Variants in GK5 observed in about 807,000 individuals in gnomAD.
The protein encoded by GK5 is glycerol kinase 5.
A neutral mutation model predicts 77.3 loss-of-function variants in GK5; 39 were observed. The ratio of observed to expected loss-of-function variants is 0.50; its 90% CI spans 0.39 to 0.66. The LOEUF (loss-of-function observed/expected upper bound fraction) is 0.66. GK5 is among the 30% of genes least tolerant of loss of function. The pLI is 0.00. For synonymous variants in GK5, 211 were observed against 208.0 expected (o/e 1.01, Z -0.13); for missense variants, 487 against 633.8 (o/e 0.77, Z 2.49).
chr3:142,205,055 A>G (rs958991873), intron 3 of GK5, among the ~76,000 whole-genome samples: 6 of 152,348 alleles, frequency 3.9e-5, no homozygotes, highest in African/African-American at 1.4e-4. Flanking sequence ...TACACACTTT[A>G]AAAGCAGATT....
Position 142,225,361 on chromosome 3 carries a change from C to T in GK5, c.95G>A (p.Arg32His). The T allele has an allele frequency of 2.5e-6, 4 of 1,579,750 alleles. No homozygotes were observed. Among genetic ancestry groups the T allele is most frequent in the Non-Finnish European group, 3.4e-6 (4 of 1,164,342 alleles). The change falls in exon 1 of 16, where the codon CGC (arginine) becomes CAC (histidine). Residue 32 changes from arginine (R) to histidine (H), a missense_variant. Transcript: ENST00000392993. ...LGLDVGSSVI[R>H]CHVYDRAARV... ...CGCCGCCCGGTCATAGACGTGGCAG[C>T]GGATCACAGAACTGCCCACATCCAG...
At position 142,160,898 on chromosome 3, in the gene GK5, T is replaced by A. The variant is rs2063420486; in HGVS notation, c.*4724A>T. 1 of 152,068 alleles carries A rather than the reference T, an allele frequency of 6.6e-6. No individual in the cohort carries two copies. The highest frequency in any genetic ancestry group is 1.5e-5 in the Non-Finnish European group (1 of 68,034). 9.4% of individuals were successfully genotyped at this position (152,068 alleles called of 1,614,324 possible). On this transcript the variant is annotated 3_prime_UTR_variant, in exon 16 of 16. Transcript: ENST00000392993. Reference sequence around the variant, plus strand: ...CACACCTGGCTAATTTAAAAAAAATTTTTTTGTAGAGACAAGGTCTCACTT... The same window carrying A: ...CACACCTGGCTAATTTAAAAAAAATATTTTTGTAGAGACAAGGTCTCACTT...
chr3:142,205,826 C>T (rs985295370), intron 3 of GK5, among the ~76,000 whole-genome samples: 2 of 152,140 alleles, frequency 1.3e-5, no homozygotes, highest in African/African-American at 2.4e-5. Flanking sequence ...ACATTCACAA[C>T]GTTGTGCAAC....
intron 1 of GK5, among the ~76,000 whole-genome samples, chr3:142,224,584 T>G (rs1355523553): frequency 1.3e-5 from 2 of 152,230 alleles, no homozygotes; most frequent in Non-Finnish European, 2.9e-5. Context: ...AACCAACCAA[T>G]GATTTGGCAG....
chr3:142,170,376 C>G lies in GK5; in HGVS notation c.1390G>C (p.Asp464His). The G allele has an allele frequency of 6.2e-7, 1 of 1,613,972 alleles. No individual in the cohort carries two copies. Among genetic ancestry groups the G allele is most frequent in the Non-Finnish European group, 8.5e-7 (1 of 1,179,930 alleles). ...LINENIDRPA[D>H]IDMSCLGAAS... The stretch of plus-strand genomic sequence containing the variant: ...GCACCCAGGCATGACATGTCAATGT[C>G]GGCAGGTCTGTCTATATTCTCATTA... Residue 464 changes from aspartate to histidine, a missense_variant, in exon 15 of 16, where the codon GAC becomes CAC. Asp to His is a moderately conservative substitution (Grantham distance 81). Coordinates refer to ENST00000392993, the MANE Select transcript of GK5 (RefSeq NM_001039547.3).
chr3:142,211,741 C>T (rs1333648181), intron 3 of GK5, among the ~76,000 whole-genome samples: 1 of 152,178 alleles, frequency 6.6e-6, no homozygotes, highest in Non-Finnish European at 1.5e-5. Context: ...CTGCAGTGAG[C>T]TATGATCGTG....
At chr3:142,204,670 C>T (rs1703539153) in intron 4 of GK5, 25 bp downstream of exon 4, 1 of 1,234,288 alleles carries the variant, frequency 8.1e-7, no homozygotes, top group South Asian at 1.2e-5. Context: ...CCAACAATAT[C>T]CAAATCACAC....
intron 12 of GK5, among the ~76,000 whole-genome samples, chr3:142,175,513 T>G (rs182796398): frequency 1.8e-3 from 274 of 152,346 alleles, no homozygotes; most frequent in Non-Finnish European, 2.6e-3. Context: ...TCATGCCCCA[T>G]CCCTCATTTT....
At position 142,204,897 on chromosome 3, in the gene GK5, T is replaced by C. The variant is rs2064082115; in HGVS notation, c.318-109A>G. On this transcript the variant is annotated intron_variant, in intron 3 of 15. Transcript: ENST00000392993. The stretch of plus-strand genomic sequence containing the variant: ...GAGGCCATACTGTAATTGCAAAGTA[T>C]AATTTAGTTACATGTGCCTTTCTGA... 3.8e-5 allele frequency: 24 copies of C among 635,160 alleles called. No homozygotes were observed. In the South Asian group the frequency reaches 4.3e-4, roughly 12 times the overall value. 39.3% of individuals were successfully genotyped at this position (635,160 alleles called of 1,614,324 possible).
In GK5 at chr3:142,159,851, C is replaced by CTTTTTTTTTTT. The variant is rs1342546449; in HGVS notation, c.*5770_*5771insAAAAAAAAAAA. On this transcript the variant is annotated 3_prime_UTR_variant, in exon 16 of 16. Transcript: ENST00000392993. ...GCTTTCTCTCTCTCTCTCTCTCTCT[C>CTTTTTTTTTTT]TCTTTTTTTTTTTTGAGACAGAGTC... 9 of 86,972 alleles carry CTTTTTTTTTTT rather than the reference C, an allele frequency of 1.0e-4. No individual in the cohort carries two copies. Among genetic ancestry groups the CTTTTTTTTTTT allele is most frequent in the African/African-American group, 4.1e-4 (9 of 22,108 alleles). 5.4% of individuals were successfully genotyped at this position (86,972 alleles called of 1,614,324 possible). A position where few individuals can be genotyped will look rare whatever the true frequency, so the allele number is the denominator to read the frequency against.
At chr3:142,213,969 T>C (rs2064234989) in intron 2 of GK5, among the ~76,000 whole-genome samples, 1 of 152,096 alleles carries the variant, frequency 6.6e-6, no homozygotes, top group South Asian at 2.1e-4. Flanking sequence ...ATTATAGGTG[T>C]GCACCACCCT....
In GK5 at chr3:142,165,683, A is replaced by G. The variant is rs2063466263; in HGVS notation, c.1529T>C (p.Met510Thr). The G allele has an allele frequency of 6.2e-7, 1 of 1,613,184 alleles. No individual in the cohort carries two copies. The highest frequency in any genetic ancestry group is 8.5e-7 in the Non-Finnish European group (1 of 1,179,516). Residue 510 changes from methionine (M) to threonine (T), a missense_variant, in exon 16 of 16, where the codon ATG becomes ACG. Met to Thr is a moderately conservative substitution (Grantham distance 81). Coordinates refer to ENST00000392993, the MANE Select transcript of GK5 (RefSeq NM_001039547.3). ...KPQKKCQEYE[M>T]SLENWAKAVK... is the part of the protein sequence containing the mutation. Reference sequence around the variant, plus strand: ...TGCTTTGGCCCAGTTTTCCAGACTCATTTCATATTCTTGACATTTCTTCTG... The same window carrying G: ...TGCTTTGGCCCAGTTTTCCAGACTCGTTTCATATTCTTGACATTTCTTCTG...
intron 12 of GK5, 48 bp downstream of exon 12, chr3:142,177,434 G>T: frequency 9.5e-7 from 1 of 1,050,536 alleles, no homozygotes; most frequent in Non-Finnish European, 1.5e-6. Context: ...GGATGTGGCA[G>T]GAGGAGAAAA....
At chr3:142,185,014 C>T (rs2063749070) in intron 9 of GK5, 2 of 985,516 alleles carry the variant, frequency 2.0e-6, no homozygotes, top group Non-Finnish European at 2.4e-6. Flanking sequence ...TTTCCCTCAG[C>T]TGCTCCCCCA....
intron 9 of GK5, chr3:142,183,305 T>C (rs2063721992): frequency 7.4e-6 from 2 of 270,998 alleles, no homozygotes; most frequent in Admixed American, 1.0e-4. Flanking sequence ...TTGTTTTGTT[T>C]TGTTTTTTAG....
At chr3:142,198,563 G>A (rs1042200598) in intron 5 of GK5, among the ~76,000 whole-genome samples, 3 of 152,154 alleles carry the variant, frequency 2.0e-5, no homozygotes, top group Non-Finnish European at 4.4e-5. Context: ...GCAGTGAGCC[G>A]AGATCACGCC....
In GK5 at chr3:142,177,510, C is replaced by A. The variant is rs754878773; in HGVS notation, c.1115G>T (p.Cys372Phe). The A allele has an allele frequency of 6.2e-7, 1 of 1,610,714 alleles. No individual in the cohort carries two copies. Among genetic ancestry groups the A allele is most frequent in the South Asian group, 1.1e-5 (1 of 90,902 alleles). Residue 372 changes from cysteine (C) to phenylalanine (F), a missense_variant, in exon 12 of 16, where the codon TGT becomes TTT. This residue lies in a region of GK5 where 323 missense variants were observed against 437.4 expected (regional missense o/e 0.74). Transcript: ENST00000392993. Reference sequence around the variant, plus strand: ...TAATCCACTAAAAGATGGAACAAAACAAACTCCTTCAGAATCCTCCAAACT... The same window carrying A: ...TAATCCACTAAAAGATGGAACAAAAAAAACTCCTTCAGAATCCTCCAAACT... ...AKSLEDSEGV[C>F]FVPSFSGLQA...
At chr3:142,165,845 G>C in intron 15 of GK5, 75 bp from the exon 16 acceptor site, 5 of 940,278 alleles carry the variant, frequency 5.3e-6, no homozygotes, top group Admixed American at 5.8e-5. Flanking sequence ...AAACCTATAC[G>C]AGTTGCTGGT....
At chr3:142,179,691 T>C (rs1302343545) in intron 11 of GK5, among the ~76,000 whole-genome samples, 1 of 152,200 alleles carries the variant, frequency 6.6e-6, no homozygotes, top group East Asian at 1.9e-4. Flanking sequence ...TTCCTCACTG[T>C]TTGTTTCATT....
Sources: allele counts gnomAD v4.1 joint callset (sites outside exome capture counted in the v4.1 genomes callset), GRCh38; gene constraint gnomAD v4.1.1; regional missense constraint gnomAD v4.1.1; transcripts MANE v1.5; gene names NCBI Gene and HGNC (gene_info 2026-07-23, HGNC 2026-07-21).